PAGE2B: variants seen among roughly 807,000 people sequenced by gnomAD.
PAGE2B encodes PAGE family member 2B.
A neutral mutation model predicts 7.6 loss-of-function variants in PAGE2B; 5 were observed. The ratio of observed to expected loss-of-function variants is 0.66; its 90% CI spans 0.34 to 1.38. The LOEUF is 1.38. PAGE2B is among the 40% of genes most tolerant of loss of function. The pLI, the probability that PAGE2B is intolerant of heterozygous loss-of-function variation, is 0.04. For synonymous variants in PAGE2B, 29 were observed against 26.7 expected (o/e 1.09, Z -0.27); for missense variants, 70 against 78.4 (o/e 0.89, Z 0.41).
the PAGE2B span, among the ~76,000 whole-genome samples, chrX:55,042,180 T>C: frequency 5.4e-5 from 6 of 111,024 alleles, no homozygotes. Context: ...AAAAATCTCC[T>C]AGGATTGATA....
chrX:55,075,850 T>A (rs1936504824), intron 1 of PAGE2B, among the ~76,000 whole-genome samples, 184 bp from the exon 2 acceptor site: 1 of 111,804 alleles, frequency 8.9e-6, no homozygotes, highest in Non-Finnish European at 1.9e-5. Flanking sequence ...CCTCTTCGAC[T>A]ATGATACAAA....
chrX:55,057,579 G>A, the PAGE2B span, among the ~76,000 whole-genome samples: 4 of 110,696 alleles, frequency 3.6e-5, no homozygotes, highest in South Asian at 3.9e-4. Flanking sequence ...TAATGATATT[G>A]CCTCTGTACG....
chrX:55,077,588 A>G (rs1165086456), intron 4 of PAGE2B, 64 bp downstream of exon 4: 1 of 1,202,192 alleles, frequency 8.3e-7, no homozygotes, highest in Non-Finnish European at 1.1e-6. Context: ...TGTGTGACAC[A>G]GAGGTAAAAT....
the PAGE2B span, among the ~76,000 whole-genome samples, chrX:55,029,172 A>C: frequency 3.6e-5 from 4 of 112,144 alleles, no homozygotes; most frequent in Non-Finnish European, 7.5e-5. Context: ...TCACATGAAT[A>C]TACCAGGCTG....
chrX:55,054,494 C>T, the PAGE2B span, among the ~76,000 whole-genome samples: 1 of 112,084 alleles, frequency 8.9e-6, no homozygotes, highest in Non-Finnish European at 1.9e-5. Context: ...TAAATCATTG[C>T]TTTTATTTTG....
chrX:55,069,668 G>A, the PAGE2B span, among the ~76,000 whole-genome samples: 1 of 111,340 alleles, frequency 9.0e-6, no homozygotes, highest in East Asian at 2.8e-4. Flanking sequence ...GAATCCATCT[G>A]GTCCTGGACT....
At chrX:55,077,165 T>G (rs1936530718) in intron 3 of PAGE2B, among the ~76,000 whole-genome samples, 1 of 112,190 alleles carries the variant, frequency 8.9e-6, no homozygotes, top group Admixed American at 9.5e-5. Flanking sequence ...TTTAATGTGA[T>G]AAGAATAAGA....
At chrX:55,044,276 A>G in the PAGE2B span, among the ~76,000 whole-genome samples, 1 of 111,781 alleles carries the variant, frequency 8.9e-6, no homozygotes, top group African/African-American at 3.3e-5. Flanking sequence ...TATACACACC[A>G]TGGAATACTA....
In PAGE2B at chrX:55,077,261, T is replaced by C. The variant is rs1661535061; in HGVS notation, c.194-138T>C. ...CAATGTTTGAACATCTCTGCTTTCCTGTTTTCCTGGCAGCAGATTCCTGAA... is the reference window on the plus strand; with the variant it reads ...CAATGTTTGAACATCTCTGCTTTCCCGTTTTCCTGGCAGCAGATTCCTGAA... On this transcript the variant is annotated intron_variant, in intron 3 of 4. Transcript: ENST00000374971. The C allele has an allele frequency of 2.8e-6, 3 of 1,055,788 alleles. No homozygotes were observed. The South Asian group carries it at 7.1e-5, about 25-fold the overall frequency. The allele number at this position is 1,055,788 out of a possible 1,213,427, so 87.0% of individuals were successfully genotyped here. A position where few individuals can be genotyped will look rare whatever the true frequency, so the allele number is the denominator to read the frequency against.
At chrX:55,046,712 G>A in the PAGE2B span, among the ~76,000 whole-genome samples, 1 of 111,639 alleles carries the variant, frequency 9.0e-6, no homozygotes, top group Non-Finnish European at 1.9e-5. Context: ...ACGTTGAGGA[G>A]CCACTGAAGG....
the PAGE2B span, among the ~76,000 whole-genome samples, chrX:55,042,898 A>G: frequency 9.1e-6 from 1 of 110,097 alleles, no homozygotes; most frequent in South Asian, 3.9e-4. Context: ...AGGCAAGATT[A>G]AGCAAAAAGA....
the PAGE2B span, among the ~76,000 whole-genome samples, chrX:55,035,653 C>T: frequency 1.8e-5 from 2 of 111,933 alleles, no homozygotes; most frequent in Non-Finnish European, 3.8e-5. Flanking sequence ...CATCAGCCCT[C>T]GAGCCAGATT....
At chrX:55,050,029 A>C in the PAGE2B span, among the ~76,000 whole-genome samples, 1 of 112,089 alleles carries the variant, frequency 8.9e-6, no homozygotes, top group Non-Finnish European at 1.9e-5. Flanking sequence ...ATTGGTTTCA[A>C]AGACCATCTT....
the PAGE2B span, among the ~76,000 whole-genome samples, chrX:55,065,242 C>T: frequency 2.4e-4 from 27 of 111,504 alleles, no homozygotes; most frequent in Admixed American, 2.5e-3. Context: ...GTGTTGGGTG[C>T]ATATATATTT....
the PAGE2B span, chrX:55,044,838 A>T: frequency 8.9e-6 from 1 of 112,242 alleles, no homozygotes; most frequent in African/African-American, 3.2e-5. Flanking sequence ...TTGCTGATGC[A>T]TAATCAGGCC....
At chrX:55,068,159 A>G in the PAGE2B span, among the ~76,000 whole-genome samples, 4 of 112,346 alleles carry the variant, frequency 3.6e-5, no homozygotes, top group Admixed American at 9.4e-5. Context: ...GGTATTGCCT[A>G]GGCTTTCTTC....
the PAGE2B span, among the ~76,000 whole-genome samples, chrX:55,057,198 C>T: frequency 2.7e-5 from 3 of 110,744 alleles, no homozygotes; most frequent in Non-Finnish European, 5.7e-5. Flanking sequence ...CTTCCTCCCC[C>T]GTTTTGTGTT....
the PAGE2B span, among the ~76,000 whole-genome samples, chrX:55,048,955 C>T: frequency 8.9e-6 from 1 of 111,742 alleles, no homozygotes; most frequent in Non-Finnish European, 1.9e-5. Flanking sequence ...TCATAGATAG[C>T]TCTTATTATT....
chrX:55,074,299 C>T (rs1221946143), upstream of PAGE2B, among the ~76,000 whole-genome samples: 5 of 111,724 alleles, frequency 4.5e-5, no homozygotes, highest in Admixed American at 9.5e-5. Flanking sequence ...GAAAGACCAA[C>T]GTGTCAGAAT....
Sources: gnomAD v4.1 joint callset for allele counts (sites outside exome capture counted in the v4.1 genomes callset) on GRCh38, gnomAD v4.1.1 for gene constraint, MANE v1.5 for transcripts, NCBI Gene and HGNC (gene_info 2026-07-23, HGNC 2026-07-21) for gene names.